The following ELK3 variants were observed in gnomAD, a reference collection of about 807,000 sequenced individuals.
ELK3 encodes the protein ETS domain-containing protein Elk-3.
Under a neutral mutation model 28.9 loss-of-function variants are expected in ELK3, and 10 were observed. The observed-to-expected ratio is 0.35, with a 90% CI of 0.21 to 0.59. The LOEUF (loss-of-function observed/expected upper bound fraction) is 0.59. ELK3 is among the 20% of genes least tolerant of loss of function. ELK3 has a pLI of 0.82. For missense variants in ELK3, 463 were observed against 517.3 expected (o/e 0.90, Z 1.02); for synonymous variants, 272 against 243.5 (o/e 1.12, Z -1.09).
intron 3 of ELK3, among the ~76,000 whole-genome samples, chr12:96,253,209 G>A (rs1269466749): frequency 2.6e-5 from 4 of 152,200 alleles, no homozygotes; most frequent in Non-Finnish European, 5.9e-5. Context: ...GTGATGAGCC[G>A]AGATCACGCC....
chr12:96,241,426 TTGTGTGTGTGTG>T lies in ELK3; in HGVS notation c.208-5492_208-5481del, dbSNP rs57658963. Among the ~76,000 whole-genome samples, 6 of 146,448 alleles carry T rather than the reference TTGTGTGTGTGTG, an allele frequency of 4.1e-5. No individual in the cohort carries two copies. The South Asian group carries it at 6.7e-4, about 16-fold the overall frequency. On this transcript the variant is annotated intron_variant, in intron 2 of 4. Coordinates refer to ENST00000228741, the MANE Select transcript of ELK3 (RefSeq NM_005230.4). ...CTCTTCAAAGGGCACAGTGGAGCGT[TTGTGTGTGTGTG>T]TGTGTGTGTGTGTGTGTGTGTACAT...
chr12:96,213,119 C>T (rs779311517), intron 1 of ELK3, among the ~76,000 whole-genome samples: 1 of 152,048 alleles, frequency 6.6e-6, no homozygotes, highest in Non-Finnish European at 1.5e-5. Flanking sequence ...AAGGCATATA[C>T]GAAGGGGGCA....
At chr12:96,231,850 C>T (rs1157176543) in intron 2 of ELK3, among the ~76,000 whole-genome samples, 3 of 152,194 alleles carry the variant, frequency 2.0e-5, no homozygotes. Context: ...GCCTTTTCCT[C>T]AGCCATCCAG....
chr12:96,236,943 C>T (rs994227465), intron 2 of ELK3, among the ~76,000 whole-genome samples: 4 of 152,168 alleles, frequency 2.6e-5, no homozygotes, highest in Non-Finnish European at 4.4e-5. Context: ...TTGTGGGCTC[C>T]AGCCACCCTT....
intron 2 of ELK3, among the ~76,000 whole-genome samples, chr12:96,234,648 T>C (rs1951767942): frequency 1.3e-5 from 2 of 152,224 alleles, no homozygotes; most frequent in South Asian, 4.1e-4. Flanking sequence ...AGCCAGGCAC[T>C]GTGCTAGGTA....
At chr12:96,245,025 G>C (rs909408418) in intron 2 of ELK3, among the ~76,000 whole-genome samples, 1 of 152,158 alleles carries the variant, frequency 6.6e-6, no homozygotes, top group East Asian at 1.9e-4. Context: ...ATGCAGCAAG[G>C]TGGCCGCGGC....
chr12:96,210,907 G>A (rs1053142705), intron 1 of ELK3, among the ~76,000 whole-genome samples: 12 of 152,186 alleles, frequency 7.9e-5, no homozygotes, highest in Admixed American at 1.3e-4. Context: ...ACAATGAGAC[G>A]TTTCCCTTAG....
At chr12:96,241,082 AAAG>A (rs1951817571) in intron 2 of ELK3, among the ~76,000 whole-genome samples, 2 of 152,204 alleles carry the variant, frequency 1.3e-5, no homozygotes, top group South Asian at 2.1e-4. Flanking sequence ...AAATGCCAGC[AAAG>A]AAGAACAAGC....
intron 1 of ELK3, among the ~76,000 whole-genome samples, chr12:96,199,738 A>G (rs998458146): frequency 6.6e-6 from 1 of 152,244 alleles, no homozygotes; most frequent in African/African-American, 2.4e-5. Flanking sequence ...CCCACTAGGA[A>G]TAAAGTCATT....
At chr12:96,234,564 G>A (rs188571198) in intron 2 of ELK3, among the ~76,000 whole-genome samples, 288 of 152,048 alleles carry the variant, frequency 1.9e-3, no homozygotes, top group African/African-American at 6.5e-3. Flanking sequence ...GCTCCTCCAC[G>A]GCTCTTCTCA....
chr12:96,226,336 C>T (rs1592678360), intron 2 of ELK3, among the ~76,000 whole-genome samples: 2 of 152,140 alleles, frequency 1.3e-5, no homozygotes, highest in East Asian at 3.9e-4. Flanking sequence ...CTGGAGCTGG[C>T]AGTAAGGGCA....
chr12:96,223,516 T>C (rs765037006), intron 1 of ELK3, 49 bp from the exon 2 acceptor site: 3 of 1,595,054 alleles, frequency 1.9e-6, no homozygotes, highest in South Asian at 1.1e-5. Context: ...TCGCCAAGTT[T>C]GGTCGGCATC....
intron 3 of ELK3, among the ~76,000 whole-genome samples, chr12:96,254,718 A>G (rs1029477629): frequency 6.6e-6 from 1 of 152,046 alleles, no homozygotes; most frequent in Non-Finnish European, 1.5e-5. Flanking sequence ...TCTCAGGTGC[A>G]ATACAAAAGG....
chr12:96,251,607 G>A (rs994887875), intron 3 of ELK3, among the ~76,000 whole-genome samples: 3 of 152,130 alleles, frequency 2.0e-5, no homozygotes, highest in African/African-American at 7.2e-5. Flanking sequence ...AAAGTGCTAC[G>A]TCAGTGAAAA....
At chr12:96,262,378 G>A (rs1045103724) in intron 4 of ELK3, among the ~76,000 whole-genome samples, 5 of 152,190 alleles carry the variant, frequency 3.3e-5, no homozygotes, top group African/African-American at 1.2e-4. Flanking sequence ...AATTTGAGAA[G>A]CACTGCAGAC....
At chr12:96,214,774 CACTT>C (rs1951599180) in intron 1 of ELK3, among the ~76,000 whole-genome samples, 2 of 152,100 alleles carry the variant, frequency 1.3e-5, no homozygotes, top group South Asian at 2.1e-4. Context: ...TAATACCTTA[CACTT>C]ACTCTGTGCT....
At chr12:96,197,325 G>A (rs1211990848) in intron 1 of ELK3, among the ~76,000 whole-genome samples, 2 of 152,128 alleles carry the variant, frequency 1.3e-5, no homozygotes, top group Admixed American at 6.5e-5. Context: ...GAGGGTAGAC[G>A]CCAGGGGTGC....
intron 1 of ELK3, among the ~76,000 whole-genome samples, chr12:96,219,296 G>GA (rs3216592): frequency 0.37 from 55,654 of 151,134 alleles, 10,779 homozygotes; most frequent in East Asian, 0.59. Flanking sequence ...AATTAATTTA[G>GA]AAAAAAAAAT....
At chr12:96,246,919 C>T (rs563443693) in intron 2 of ELK3, 21 bp from the exon 3 acceptor site, 51 of 1,561,656 alleles carry the variant, frequency 3.3e-5, no homozygotes, top group South Asian at 8.4e-5. Flanking sequence ...AGATTTTCAA[C>T]GTCTACTTTT....
Sources: gnomAD v4.1 joint callset for allele counts (sites outside exome capture counted in the v4.1 genomes callset) on GRCh38, gnomAD v4.1.1 for gene constraint, MANE v1.5 for transcripts, NCBI Gene and HGNC (gene_info 2026-07-23, HGNC 2026-07-21) for gene names.